RGS6: variants seen among roughly 807,000 people sequenced by gnomAD.
RGS6 encodes the protein regulator of G-protein signaling 6.
Under a neutral mutation model 78.5 loss-of-function variants are expected in RGS6, and 30 were observed. The observed-to-expected ratio is 0.38, with a 90% CI of 0.29 to 0.52. The LOEUF is 0.52. Among genes scored for constraint, RGS6 ranks in the 20% least tolerant of loss-of-function variants. The probability of loss-of-function intolerance (pLI) is 0.85; values close to 1 mark genes in which losing one functional copy is unlikely to be tolerated. For missense variants in RGS6, 495 were observed against 609.7 expected (o/e 0.81, Z 1.98); for synonymous variants, 206 against 206.0 (o/e 1.00, Z 0.00).
intron 17 of RGS6, chr14:72,547,376 C>T (rs944005381): frequency 2.8e-6 from 4 of 1,433,524 alleles, no homozygotes; most frequent in East Asian, 5.4e-5. Context: ...AAGTAAGACC[C>T]CCCCCCGACC....
At chr14:72,619,953 C>T in the RGS6 span, 5 of 1,535,410 alleles carry the variant, frequency 3.3e-6, no homozygotes, top group South Asian at 1.2e-5. Flanking sequence ...GTGATAGCCT[C>T]GGTCACAGTC....
At chr14:72,482,065 C>T (rs1279630473) in intron 12 of RGS6, among the ~76,000 whole-genome samples, 1 of 152,138 alleles carries the variant, frequency 6.6e-6, no homozygotes, top group Non-Finnish European at 1.5e-5. Context: ...CCGCCTCGGC[C>T]TCCCAAAGTG....
At chr14:72,409,791 C>A (rs2093258832) in intron 3 of RGS6, among the ~76,000 whole-genome samples, 3 of 152,052 alleles carry the variant, frequency 2.0e-5, no homozygotes, top group Admixed American at 6.6e-5. Context: ...TCAGTTCCCA[C>A]CTGTGAGTGA....
intron 2 of RGS6, among the ~76,000 whole-genome samples, chr14:72,155,120 C>A (rs1220058665): frequency 6.6e-6 from 1 of 152,238 alleles, no homozygotes; most frequent in Non-Finnish European, 1.5e-5. Context: ...CTCCAGAGTG[C>A]AGGGTCCCCT....
intron 2 of RGS6, among the ~76,000 whole-genome samples, chr14:72,291,383 C>T (rs1474836385): frequency 6.6e-6 from 1 of 152,104 alleles, no homozygotes; most frequent in Non-Finnish European, 1.5e-5. Flanking sequence ...CCTTCACTCT[C>T]CAGGAAGACT....
chr14:71,984,543 G>T (rs2094609117), intron 2 of RGS6, among the ~76,000 whole-genome samples: 1 of 149,008 alleles, frequency 6.7e-6, no homozygotes, highest in South Asian at 2.1e-4. Context: ...AATTTGAAGA[G>T]AAATCATCTG....
chr14:72,218,534 C>A (rs1020922568), intron 2 of RGS6, among the ~76,000 whole-genome samples: 4 of 152,036 alleles, frequency 2.6e-5, no homozygotes, highest in African/African-American at 9.7e-5. Flanking sequence ...TAGGTTTCTG[C>A]AAGCTCCTTG....
the RGS6 span, among the ~76,000 whole-genome samples, chr14:71,915,286 A>G: frequency 6.6e-6 from 1 of 151,330 alleles, no homozygotes; most frequent in Admixed American, 6.6e-5. Context: ...TTCAACTTGG[A>G]GGAGAGTAAG....
At position 72,105,511 on chromosome 14, in the gene RGS6, T is replaced by C. The variant is rs571335980; in HGVS notation, c.84+140636T>C. Among the ~76,000 whole-genome samples the C allele has an allele frequency of 7.2e-5, 11 of 152,352 alleles. No homozygotes were observed. The East Asian group carries it at 1.9e-3, about 27-fold the overall frequency. On this transcript the variant is annotated intron_variant, in intron 2 of 17. Transcript: ENST00000553525. ...CTGCTATTTGCATAACCAAGTTTTT[T>C]TCTGAAAATTCCAGGAATTTTGCTC... is the stretch of plus-strand genomic sequence containing the variant.
intron 2 of RGS6, among the ~76,000 whole-genome samples, chr14:72,145,375 A>T (rs781105297): frequency 2.6e-5 from 4 of 152,220 alleles, no homozygotes; most frequent in Non-Finnish European, 4.4e-5. Flanking sequence ...TCCCAAAGTT[A>T]GTTCAGCCTA....
intron 2 of RGS6, among the ~76,000 whole-genome samples, chr14:72,221,189 C>G (rs1239660261): frequency 6.6e-6 from 1 of 152,164 alleles, no homozygotes. Flanking sequence ...ACTGCCACTG[C>G]TATTGCAATT....
chr14:71,947,861 C>T (rs140088987), intron 1 of RGS6, among the ~76,000 whole-genome samples: 2 of 152,264 alleles, frequency 1.3e-5, no homozygotes, highest in African/African-American at 2.4e-5. Flanking sequence ...TGAAGATGAA[C>T]AGTGACGGAT....
At chr14:72,477,654 G>A (rs184206903) in intron 11 of RGS6, among the ~76,000 whole-genome samples, 51 of 151,942 alleles carry the variant, frequency 3.4e-4, no homozygotes, top group Middle Eastern at 3.4e-3. Context: ...AAAGTTAGCC[G>A]GGCTTGGTGG....
chr14:72,507,660 T>C (rs76167948), intron 13 of RGS6, among the ~76,000 whole-genome samples: 1,980 of 152,326 alleles, frequency 0.013, 20 homozygotes, highest in Middle Eastern at 0.02. Context: ...TCTGGTGGAA[T>C]GAATGTGGAC....
intron 2 of RGS6, among the ~76,000 whole-genome samples, chr14:72,076,045 G>A (rs971433490): frequency 4.6e-5 from 7 of 152,142 alleles, no homozygotes; most frequent in Non-Finnish European, 7.4e-5. Context: ...CTCCTACCTA[G>A]ACATTCTCTC....
chr14:72,619,861 A>G, the RGS6 span: 3 of 1,489,444 alleles, frequency 2.0e-6, no homozygotes, highest in Non-Finnish European at 2.7e-6. Context: ...TAGTAGTAGT[A>G]GTATCTGTTG....
chr14:72,411,134 G>A (rs2093379053), intron 3 of RGS6, among the ~76,000 whole-genome samples: 1 of 152,142 alleles, frequency 6.6e-6, no homozygotes, highest in Non-Finnish European at 1.5e-5. Flanking sequence ...GATGGGGTTG[G>A]CATTGAATCT....
At chr14:72,587,857 A>C in the RGS6 span, among the ~76,000 whole-genome samples, 3 of 152,224 alleles carry the variant, frequency 2.0e-5, no homozygotes, top group Non-Finnish European at 4.4e-5. Flanking sequence ...CCACAGAGAA[A>C]GATGGATTCT....
At chr14:72,092,071 G>C (rs1786177874) in intron 2 of RGS6, among the ~76,000 whole-genome samples, 1 of 151,982 alleles carries the variant, frequency 6.6e-6, no homozygotes, top group Non-Finnish European at 1.5e-5. Context: ...TGCTGCCCAG[G>C]CTGGAGTGTG....
Sources: gnomAD v4.1 joint callset for allele counts (sites outside exome capture counted in the v4.1 genomes callset) on GRCh38, gnomAD v4.1.1 for gene constraint, MANE v1.5 for transcripts, NCBI Gene and HGNC (gene_info 2026-07-23, HGNC 2026-07-21) for gene names.